The following CPQ variants were observed in gnomAD, a reference collection of about 807,000 sequenced individuals.
CPQ encodes Ser-Met dipeptidase.
A neutral mutation model predicts 45.7 loss-of-function variants in CPQ; 37 were observed. The ratio of observed to expected loss-of-function variants is 0.81; its 90% CI spans 0.62 to 1.07. The LOEUF (loss-of-function observed/expected upper bound fraction) is 1.07, where lower values mean the gene tolerates loss of function less well. Ranked by LOEUF, CPQ falls within the 50% of genes least tolerant of loss-of-function variation. The pLI is 0.00. For missense variants in CPQ, 537 were observed against 572.9 expected (o/e 0.94, Z 0.64); for synonymous variants, 186 against 205.8 (o/e 0.90, Z 0.82).
intron 6 of CPQ, among the ~76,000 whole-genome samples, chr8:97,035,868 C>A (rs563950877): frequency 1.3e-5 from 2 of 152,014 alleles, no homozygotes; most frequent in Non-Finnish European, 2.9e-5. Flanking sequence ...CCACCACACC[C>A]GGCTAATTTT....
chr8:96,839,836 T>C (rs1307144368), intron 3 of CPQ, among the ~76,000 whole-genome samples: 1 of 152,210 alleles, frequency 6.6e-6, no homozygotes, highest in Non-Finnish European at 1.5e-5. Flanking sequence ...GCACCAACTT[T>C]GTACTATTCT....
intron 7 of CPQ, among the ~76,000 whole-genome samples, chr8:97,142,485 T>G (rs1455322765): frequency 6.6e-6 from 1 of 152,240 alleles, no homozygotes; most frequent in Non-Finnish European, 1.5e-5. Flanking sequence ...AAAGGGGTAT[T>G]GGCTTTCTTT....
At chr8:96,674,593 C>T (rs973712976) in intron 1 of CPQ, among the ~76,000 whole-genome samples, 6 of 152,102 alleles carry the variant, frequency 3.9e-5, no homozygotes, top group African/African-American at 1.4e-4. Context: ...ATTACAGGCA[C>T]ATCTTTTCAG....
At chr8:96,751,224 A>G (rs1810254336) in intron 1 of CPQ, among the ~76,000 whole-genome samples, 1 of 152,160 alleles carries the variant, frequency 6.6e-6, no homozygotes, top group Non-Finnish European at 1.5e-5. Flanking sequence ...TGTCTTCCAC[A>G]ATTGTTGAAC....
At chr8:96,729,653 C>T (rs1809884902) in intron 1 of CPQ, among the ~76,000 whole-genome samples, 1 of 152,094 alleles carries the variant, frequency 6.6e-6, no homozygotes, top group African/African-American at 2.4e-5. Flanking sequence ...GTTATCTCAC[C>T]TTTACATATT....
chr8:97,080,584 T>G (rs1315604561), intron 7 of CPQ, among the ~76,000 whole-genome samples: 1 of 152,210 alleles, frequency 6.6e-6, no homozygotes, highest in Non-Finnish European at 1.5e-5. Flanking sequence ...CTCTTCCCTT[T>G]GCTCAGTATT....
chr8:96,779,447 T>C (rs1810659256), intron 1 of CPQ, among the ~76,000 whole-genome samples: 1 of 152,148 alleles, frequency 6.6e-6, no homozygotes, highest in Non-Finnish European at 1.5e-5. Flanking sequence ...AAAAACACAA[T>C]TTATAATCCT....
At chr8:97,058,924 T>A (rs1237466794) in intron 6 of CPQ, among the ~76,000 whole-genome samples, 1 of 152,162 alleles carries the variant, frequency 6.6e-6, no homozygotes, top group African/African-American at 2.4e-5. Context: ...TTGCATTTTT[T>A]AAAAAAGCAT....
chr8:96,709,500 G>A (rs1043848254), intron 1 of CPQ, among the ~76,000 whole-genome samples: 1 of 152,070 alleles, frequency 6.6e-6, no homozygotes, highest in African/African-American at 2.4e-5. Context: ...CTTATCTGTT[G>A]ATGAACACTT....
At position 97,057,331 on chromosome 8, in the gene CPQ, T is replaced by A. The variant is rs560174158; in HGVS notation, c.1054-8678T>A. Among the ~76,000 whole-genome samples the A allele has an allele frequency of 1.1e-4, 16 of 152,340 alleles. No homozygotes were observed. In the East Asian group the frequency reaches 3.1e-3, roughly 29 times the overall value. ...TAAGAAATAGTGTTAGGAAAAGTGT[T>A]TCTGCATCTTTTGTAAAACTGTTAT... is the stretch of plus-strand genomic sequence containing the variant. On this transcript the variant is annotated intron_variant, in intron 6 of 7. Coordinates refer to ENST00000220763, the MANE Select transcript of CPQ (RefSeq NM_016134.4).
chr8:97,134,140 G>A (rs1480419529), intron 7 of CPQ, among the ~76,000 whole-genome samples: 1 of 152,132 alleles, frequency 6.6e-6, no homozygotes, highest in Non-Finnish European at 1.5e-5. Flanking sequence ...TTCTGCTTTT[G>A]TCCCACTACA....
intron 1 of CPQ, among the ~76,000 whole-genome samples, chr8:96,693,863 G>A (rs1314112502): frequency 6.6e-6 from 1 of 152,094 alleles, no homozygotes; most frequent in Non-Finnish European, 1.5e-5. Flanking sequence ...CATATCTTAA[G>A]TAGAAAGATG....
At chr8:96,811,923 A>G (rs986937095) in intron 2 of CPQ, among the ~76,000 whole-genome samples, 17 of 152,174 alleles carry the variant, frequency 1.1e-4, no homozygotes, top group African/African-American at 4.1e-4. Context: ...AGAAAGAGGA[A>G]CTGAAATATA....
rs71569187 is a variant in CPQ at position 96,853,563 on chromosome 8, A to AT, written c.641+18397dup. Among the ~76,000 whole-genome samples the AT allele has an allele frequency of 6.3e-3, 919 of 146,018 alleles. 10 individuals carry two copies. Among genetic ancestry groups the AT allele is most frequent in the African/African-American group, 0.018 (710 of 39,494 alleles). On this transcript the variant is annotated intron_variant, in intron 3 of 7. Transcript: ENST00000220763. ...GCAGATGTTTATAATACTGGGCATGATTTTTTTTTTTTTTGGTCAATATTT... is the reference window on the plus strand; with the variant it reads ...GCAGATGTTTATAATACTGGGCATGATTTTTTTTTTTTTTTGGTCAATATTT...
chr8:97,018,009 A>G (rs1342928646), intron 5 of CPQ, among the ~76,000 whole-genome samples: 4 of 152,184 alleles, frequency 2.6e-5, no homozygotes, highest in African/African-American at 4.8e-5. Flanking sequence ...CGCCTCCACC[A>G]GAGCAGATGC....
At chr8:96,833,479 A>G (rs1043809746) in intron 2 of CPQ, among the ~76,000 whole-genome samples, 1 of 152,108 alleles carries the variant, frequency 6.6e-6, no homozygotes, top group Non-Finnish European at 1.5e-5. Context: ...CCTTGAGTGG[A>G]CTATCGAACC....
At chr8:96,845,736 C>T (rs1405508800) in intron 3 of CPQ, among the ~76,000 whole-genome samples, 1 of 152,120 alleles carries the variant, frequency 6.6e-6, no homozygotes, top group Non-Finnish European at 1.5e-5. Context: ...CTCATTTACT[C>T]TTCTGAGATC....
intron 4 of CPQ, among the ~76,000 whole-genome samples, chr8:96,911,229 C>T (rs1181442938): frequency 6.6e-6 from 1 of 151,068 alleles, no homozygotes; most frequent in African/African-American, 2.4e-5. Flanking sequence ...ACATATAAGA[C>T]ATCAACCACA....
At chr8:97,019,058 A>C (rs1809629375) in intron 5 of CPQ, among the ~76,000 whole-genome samples, 1 of 152,224 alleles carries the variant, frequency 6.6e-6, no homozygotes, top group Non-Finnish European at 1.5e-5. Flanking sequence ...GCAAGCTAGA[A>C]GGGATTGGGG....
Sources: gnomAD v4.1 joint callset for allele counts (sites outside exome capture counted in the v4.1 genomes callset) on GRCh38, gnomAD v4.1.1 for gene constraint, MANE v1.5 for transcripts, NCBI Gene and HGNC (gene_info 2026-07-23, HGNC 2026-07-21) for gene names.